Variants in DDAH1 observed in about 807,000 individuals in gnomAD.
The protein encoded by DDAH1 is N(G),N(G)-dimethylarginine dimethylaminohydrolase 1.
DDAH1 carries 19 observed loss-of-function variants against 28.8 expected under a neutral mutation model. The observed-to-expected ratio is 0.66, with a 90% CI of 0.46 to 0.97. The LOEUF is 0.97. Among genes scored for constraint, DDAH1 ranks in the 50% least tolerant of loss-of-function variants. The probability of loss-of-function intolerance (pLI) is 0.00; values close to 1 mark genes in which losing one functional copy is unlikely to be tolerated. For missense variants in DDAH1, 326 were observed against 375.9 expected, an observed-to-expected ratio of 0.87 and a Z score of 1.10; for synonymous variants, 153 against 154.4, an observed-to-expected ratio of 0.99 and a Z score of 0.07.
intron 4 of DDAH1, among the ~76,000 whole-genome samples, chr1:85,344,462 A>C (rs915037357): frequency 8.5e-5 from 13 of 152,210 alleles, no homozygotes; most frequent in African/African-American, 2.9e-4. Context: ...TCAGTGCTGC[A>C]GTCCCTCCCA....
At chr1:85,381,488 AC>A (rs1218892809) in intron 1 of DDAH1, among the ~76,000 whole-genome samples, 1 of 148,582 alleles carries the variant, frequency 6.7e-6, no homozygotes, top group Non-Finnish European at 1.5e-5. Context: ...TTTATCCTTC[AC>A]CCCCCTCCCA....
At chr1:85,421,905 C>T (rs900827537) in intron 1 of DDAH1, among the ~76,000 whole-genome samples, 1 of 152,152 alleles carries the variant, frequency 6.6e-6, no homozygotes, top group Non-Finnish European at 1.5e-5. Context: ...CATTCACATG[C>T]AGGTTTTTGT....
chr1:85,400,699 C>T (rs1652059722), intron 1 of DDAH1, among the ~76,000 whole-genome samples: 1 of 152,272 alleles, frequency 6.6e-6, no homozygotes, highest in African/African-American at 2.4e-5. Flanking sequence ...TTCTCAGAAT[C>T]TGACCTGCCT....
chr1:85,493,440 G>A (rs1656473737), intron 2 of DDAH1: 1 of 152,068 alleles, frequency 6.6e-6, no homozygotes, highest in African/African-American at 2.4e-5. Context: ...TTAATCTGAA[G>A]CCAACTATTG....
At chr1:85,477,028 A>G (rs967386278) in intron 2 of DDAH1, among the ~76,000 whole-genome samples, 8 of 152,142 alleles carry the variant, frequency 5.3e-5, no homozygotes, top group South Asian at 4.1e-4. Context: ...GAGCATGTAT[A>G]ATAACGTAAA....
intron 1 of DDAH1, among the ~76,000 whole-genome samples, chr1:85,430,229 G>A (rs1184894955): frequency 6.6e-6 from 1 of 152,128 alleles, no homozygotes; most frequent in Non-Finnish European, 1.5e-5. Flanking sequence ...TGTTATTTCT[G>A]AGGGCTCTGT....
intron 1 of DDAH1, among the ~76,000 whole-genome samples, chr1:85,383,661 A>G (rs540464960): frequency 1.3e-5 from 2 of 152,352 alleles, no homozygotes; most frequent in South Asian, 4.1e-4. Context: ...GTCAATCAAC[A>G]CAGCAAACTT....
At chr1:85,414,369 C>T (rs1652790836) in intron 1 of DDAH1, among the ~76,000 whole-genome samples, 1 of 152,146 alleles carries the variant, frequency 6.6e-6, no homozygotes, top group African/African-American at 2.4e-5. Flanking sequence ...GAAGTAAGGT[C>T]TTAAACATGA....
intron 2 of DDAH1, among the ~76,000 whole-genome samples, chr1:85,355,557 A>G (rs1259566851): frequency 1.3e-5 from 2 of 152,208 alleles, no homozygotes; most frequent in Non-Finnish European, 2.9e-5. Context: ...AATTAATGAA[A>G]TTAACTACAT....
At chr1:85,408,058 G>A (rs547999100) in intron 1 of DDAH1, among the ~76,000 whole-genome samples, 1 of 152,186 alleles carries the variant, frequency 6.6e-6, no homozygotes, top group Non-Finnish European at 1.5e-5. Flanking sequence ...GTTTAAAATT[G>A]AGTATTAGAC....
intron 1 of DDAH1, among the ~76,000 whole-genome samples, chr1:85,455,939 T>C (rs1654861481): frequency 6.6e-6 from 1 of 152,224 alleles, no homozygotes; most frequent in Non-Finnish European, 1.5e-5. Flanking sequence ...AAAAGTATAA[T>C]GTCTTTGGTT....
intron 1 of DDAH1, among the ~76,000 whole-genome samples, chr1:85,511,813 T>C (rs1361090272): frequency 1.3e-5 from 2 of 152,254 alleles, no homozygotes; most frequent in East Asian, 3.9e-4. Context: ...AAGTTGAATC[T>C]CTGAATAGAC....
chr1:85,479,159 CTTTTTTTTTTTTTT>C (rs35629726), intron 2 of DDAH1, among the ~76,000 whole-genome samples: 12 of 78,618 alleles, frequency 1.5e-4, no homozygotes, highest in African/African-American at 2.3e-4. Flanking sequence ...TTCTGTTTTT[CTTTTTTTTTTTTTT>C]TTTTTTTTTT....
At chr1:85,462,310 C>A (rs1296828899) in intron 1 of DDAH1, among the ~76,000 whole-genome samples, 1 of 152,144 alleles carries the variant, frequency 6.6e-6, no homozygotes, top group African/African-American at 2.4e-5. Flanking sequence ...AAGGCAAGCA[C>A]AGCCCAGCTC....
intron 1 of DDAH1, chr1:85,448,033 C>G (rs1427729255): frequency 6.6e-6 from 1 of 152,480 alleles, no homozygotes. Context: ...CTTGTTAGAA[C>G]AAACTTGTCC....
At chr1:85,325,286 T>C (rs1647300994) in intron 4 of DDAH1, among the ~76,000 whole-genome samples, 1 of 152,186 alleles carries the variant, frequency 6.6e-6, no homozygotes. Flanking sequence ...GCCATACCAG[T>C]AATCAGAATA....
intron 1 of DDAH1, among the ~76,000 whole-genome samples, chr1:85,557,254 A>G (rs1429835141): frequency 4.6e-5 from 7 of 152,248 alleles, no homozygotes; most frequent in Non-Finnish European, 1.0e-4. Context: ...TGTTAAGTAC[A>G]GTGTTAAATA....
At chr1:85,461,166 G>A (rs541965928) in intron 1 of DDAH1, among the ~76,000 whole-genome samples, 2 of 152,102 alleles carry the variant, frequency 1.3e-5, no homozygotes, top group Non-Finnish European at 2.9e-5. Context: ...GTAAGTTGGA[G>A]TCATGTAAAA....
chr1:85,458,427 T>A (rs1479110813), intron 1 of DDAH1, among the ~76,000 whole-genome samples: 11 of 70,414 alleles, frequency 1.6e-4, no homozygotes, highest in African/African-American at 6.9e-4. Context: ...ACACACACTT[T>A]TTTTTTTTTT....
Sources: gnomAD v4.1 joint callset for allele counts (sites outside exome capture counted in the v4.1 genomes callset) on GRCh38, gnomAD v4.1.1 for gene constraint, MANE v1.5 for transcripts, NCBI Gene and HGNC (gene_info 2026-07-23, HGNC 2026-07-21) for gene names.